The following WDR7 variants were observed in gnomAD, a reference collection of about 807,000 sequenced individuals.
The protein encoded by WDR7 is WD repeat-containing protein 7.
WDR7 carries 46 observed loss-of-function variants against 169.4 expected under a neutral mutation model. The observed-to-expected ratio is 0.27, with a 90% confidence interval of 0.21 to 0.35. The LOEUF is 0.35. Ranked by LOEUF, WDR7 falls within the 10% of genes least tolerant of loss-of-function variation. The pLI, the probability that WDR7 is intolerant of heterozygous loss-of-function variation, is 1.00. For missense variants in WDR7, 1,534 were observed against 1,859.3 expected (o/e 0.83, Z 3.22); for synonymous variants, 612 against 666.8 (o/e 0.92, Z 1.27).
chr18:56,762,936 GT>G lies in WDR7; in HGVS notation c.2848+3993del, dbSNP rs553943248. Among the ~76,000 whole-genome samples the G allele has an allele frequency of 1.9e-4, 27 of 144,896 alleles. No homozygotes were observed. In the East Asian group the frequency reaches 4.4e-3, roughly 24 times the overall value. Reference sequence around the variant, plus strand: ...TTACCTTGGGTTGCCTACGAATAAAGTTTTTTTTTTGTTTGTTTGTTTTTTT... The same window carrying G: ...TTACCTTGGGTTGCCTACGAATAAAGTTTTTTTTTGTTTGTTTGTTTTTTT... On this transcript the variant is annotated intron_variant, in intron 16 of 27. Transcript: ENST00000254442.
intron 13 of WDR7, among the ~76,000 whole-genome samples, chr18:56,729,223 T>C (rs1191073982): frequency 6.6e-6 from 1 of 152,204 alleles, no homozygotes; most frequent in Non-Finnish European, 1.5e-5. Flanking sequence ...TGTGAAACTT[T>C]AAGATATCTG....
chr18:57,006,639 T>C (rs1599240026), intron 26 of WDR7, among the ~76,000 whole-genome samples: 1 of 152,182 alleles, frequency 6.6e-6, no homozygotes, highest in Non-Finnish European at 1.5e-5. Flanking sequence ...ACTTTCCCTT[T>C]CATTCAGGTA....
At chr18:56,887,281 G>A (rs554140258) in intron 21 of WDR7, among the ~76,000 whole-genome samples, 137 of 152,238 alleles carry the variant, frequency 9.0e-4, no homozygotes, top group Admixed American at 1.4e-3. Context: ...GGGCTGAACG[G>A]CACTATGGGG....
intron 19 of WDR7, among the ~76,000 whole-genome samples, chr18:56,782,367 A>C (rs2044330666): frequency 6.6e-6 from 1 of 152,104 alleles, no homozygotes; most frequent in African/African-American, 2.4e-5. Flanking sequence ...TTTAGTTACT[A>C]AATAATTTTT....
chr18:56,947,030 T>A (rs1243121412), intron 25 of WDR7, among the ~76,000 whole-genome samples: 4 of 152,196 alleles, frequency 2.6e-5, no homozygotes, highest in Non-Finnish European at 5.9e-5. Context: ...CATCTACTAA[T>A]AATACAAGAA....
chr18:56,729,560 G>A (rs1012656809), intron 13 of WDR7, among the ~76,000 whole-genome samples: 1 of 151,928 alleles, frequency 6.6e-6, no homozygotes, highest in Non-Finnish European at 1.5e-5. Flanking sequence ...ATATAGCAGA[G>A]CATGCTTTTA....
At chr18:56,756,029 A>G (rs1004696367) in intron 14 of WDR7, among the ~76,000 whole-genome samples, 2 of 152,194 alleles carry the variant, frequency 1.3e-5, no homozygotes, top group Non-Finnish European at 1.5e-5. Flanking sequence ...TGGCTAGAAG[A>G]GGAGAGAAAT....
chr18:56,684,459 G>C (rs1030754107), intron 5 of WDR7, among the ~76,000 whole-genome samples: 1 of 152,198 alleles, frequency 6.6e-6, no homozygotes, highest in African/African-American at 2.4e-5. Flanking sequence ...GATTGAGCCT[G>C]GCTGTGTTGC....
Position 56,938,514 on chromosome 18 carries a change from G to A in WDR7, c.3832-19G>A, listed in dbSNP as rs1599174260. 1 of 1,612,676 alleles carries A rather than the reference G, an allele frequency of 6.2e-7. No individual in the cohort carries two copies. On this transcript the variant is annotated intron_variant, in intron 23 of 27. Coordinates refer to ENST00000254442, the MANE Select transcript of WDR7 (RefSeq NM_015285.3). Reference sequence around the variant, plus strand: ...TATATCAGTGTCAATCATATCTACAGCATAGAAATGTTTTGTAGGTACACA... The same window carrying A: ...TATATCAGTGTCAATCATATCTACAACATAGAAATGTTTTGTAGGTACACA...
chr18:56,958,645 A>G (rs1319988446), intron 25 of WDR7, among the ~76,000 whole-genome samples: 1 of 152,140 alleles, frequency 6.6e-6, no homozygotes, highest in Non-Finnish European at 1.5e-5. Flanking sequence ...AGACTCCAGG[A>G]GTCTTTACAG....
intron 16 of WDR7, among the ~76,000 whole-genome samples, chr18:56,760,889 T>A (rs2043971430): frequency 2.0e-5 from 3 of 152,214 alleles, no homozygotes; most frequent in Admixed American, 6.5e-5. Context: ...ATATTTTCCT[T>A]CTTTTTCACT....
intron 24 of WDR7, among the ~76,000 whole-genome samples, chr18:56,939,039 T>A (rs2046999088): frequency 6.6e-6 from 1 of 152,154 alleles, no homozygotes; most frequent in Non-Finnish European, 1.5e-5. Flanking sequence ...ATGTGTTGAA[T>A]AATGTATTAT....
intron 19 of WDR7, among the ~76,000 whole-genome samples, chr18:56,801,410 G>T (rs1483886333): frequency 6.6e-6 from 1 of 152,112 alleles, no homozygotes; most frequent in Admixed American, 6.5e-5. Flanking sequence ...AGACTCATTT[G>T]TCAGAATCTA....
chr18:56,827,397 C>T (rs1213137835), intron 20 of WDR7, among the ~76,000 whole-genome samples: 7 of 152,162 alleles, frequency 4.6e-5, no homozygotes, highest in African/African-American at 1.2e-4. Flanking sequence ...TCATTTACAA[C>T]AACCTAGGTG....
chr18:56,956,284 GCCCTGAGCTGATGCCTTCA>G (rs2047249376), intron 25 of WDR7, among the ~76,000 whole-genome samples: 1 of 152,000 alleles, frequency 6.6e-6, no homozygotes, highest in Non-Finnish European at 1.5e-5. Context: ...AACACAGCTC[GCCCTGAGCTGATGCCTTCA>G]CCAAAGCCAC....
chr18:56,873,399 A>C (rs2045979440), intron 20 of WDR7: 1 of 152,220 alleles, frequency 6.6e-6, no homozygotes, highest in African/African-American at 2.4e-5. Flanking sequence ...TTGAAAGTAC[A>C]CTGTTAAAAC....
chr18:56,701,756 A>T (rs368753207), intron 12 of WDR7, among the ~76,000 whole-genome samples: 6 of 152,326 alleles, frequency 3.9e-5, no homozygotes, highest in African/African-American at 9.6e-5. Flanking sequence ...ATAGGTAGTG[A>T]TGCACATAGT....
At chr18:56,814,942 A>C (rs544218716) in intron 19 of WDR7, among the ~76,000 whole-genome samples, 1 of 152,260 alleles carries the variant, frequency 6.6e-6, no homozygotes, top group East Asian at 1.9e-4. Context: ...TTTAGTCCAC[A>C]AGTTTAAATC....
At chr18:57,030,983 A>T (rs755784721), downstream of WDR7, 6 of 152,274 alleles carry the variant, frequency 3.9e-5, no homozygotes, top group Non-Finnish European at 7.3e-5. Flanking sequence ...ATCCCTCTTT[A>T]ATCAAAACTT....
Sources: allele counts gnomAD v4.1 joint callset (sites outside exome capture counted in the v4.1 genomes callset), GRCh38; gene constraint gnomAD v4.1.1; transcripts MANE v1.5; gene names NCBI Gene and HGNC (gene_info 2026-07-23, HGNC 2026-07-21).